FGF14: variants seen among roughly 807,000 people sequenced by gnomAD.
The protein encoded by FGF14 is fibroblast growth factor 14, also known as fibroblast growth factor homologous factor 4.
FGF14 carries 5 observed loss-of-function variants against 25.5 expected under a neutral mutation model. The ratio of observed to expected loss-of-function variants is 0.20; its 90% CI spans 0.10 to 0.41. The LOEUF (loss-of-function observed/expected upper bound fraction) is 0.41. Among genes scored for constraint, FGF14 ranks in the 10% least tolerant of loss-of-function variants. The pLI is 1.00. For missense variants in FGF14, 222 were observed against 320.1 expected (o/e 0.69, Z 2.34); for synonymous variants, 138 against 118.3 (o/e 1.17, Z -1.08).
intron 3 of FGF14, among the ~76,000 whole-genome samples, chr13:101,754,374 C>G (rs988991361): frequency 6.6e-6 from 1 of 152,156 alleles, no homozygotes; most frequent in Non-Finnish European, 1.5e-5. Context: ...CCCTGTTGCT[C>G]TATCTTTGTC....
intron 2 of FGF14, among the ~76,000 whole-genome samples, chr13:101,870,316 C>T (rs1275036886): frequency 6.6e-6 from 1 of 151,592 alleles, no homozygotes; most frequent in African/African-American, 2.4e-5. Flanking sequence ...TACCATCTCC[C>T]CTTACATCTT....
In FGF14 at chr13:102,040,532, T is replaced by C. The variant is rs146783272; in HGVS notation, c.209-165236A>G. ...GACTTACACATCTGTAAACTGTAGA[T>C]AATAAAAACTACTTTGCAATCATGT... On this transcript the variant is annotated intron_variant, in intron 1 of 4. Transcript: ENST00000376131. Among the ~76,000 whole-genome samples, 26 of 152,284 alleles carry C rather than the reference T, an allele frequency of 1.7e-4. No individual in the cohort carries two copies. In the East Asian group the frequency reaches 2.1e-3, roughly 12 times the overall value.
chr13:101,948,709 G>C (rs1192199585), intron 1 of FGF14, among the ~76,000 whole-genome samples: 1 of 151,746 alleles, frequency 6.6e-6, no homozygotes, highest in Non-Finnish European at 1.5e-5. Flanking sequence ...TAAATAAAAA[G>C]GTTTTTTTAA....
At chr13:101,931,808 T>C (rs927511087) in intron 1 of FGF14, among the ~76,000 whole-genome samples, 13 of 152,208 alleles carry the variant, frequency 8.5e-5, no homozygotes, top group South Asian at 2.1e-4. Flanking sequence ...AAGAACGCGA[T>C]TGACCCATTT....
At chr13:102,276,765 G>T (rs560246520) in intron 1 of FGF14, among the ~76,000 whole-genome samples, 1 of 152,126 alleles carries the variant, frequency 6.6e-6, no homozygotes, top group Non-Finnish European at 1.5e-5. Flanking sequence ...ACACAGGAAT[G>T]ATATGTTTAG....
intron 1 of FGF14, among the ~76,000 whole-genome samples, chr13:102,019,593 G>T (rs931704536): frequency 1.3e-5 from 2 of 152,086 alleles, no homozygotes; most frequent in Non-Finnish European, 2.9e-5. Context: ...TATTCAAACA[G>T]GTCTCTGTTT....
At chr13:102,286,505 T>G (rs1323184738) in intron 1 of FGF14, among the ~76,000 whole-genome samples, 1 of 152,236 alleles carries the variant, frequency 6.6e-6, no homozygotes, top group Non-Finnish European at 1.5e-5. Context: ...CCAATGACCA[T>G]GTAGTATTAC....
At chr13:102,326,754 A>AAGGAGG (rs1566939231) in intron 1 of FGF14, among the ~76,000 whole-genome samples, 2 of 76,822 alleles carry the variant, frequency 2.6e-5, no homozygotes, top group African/African-American at 1.1e-4. Flanking sequence ...AAGGAAGGAA[A>AAGGAGG]GAGGGAGGGA....
At chr13:101,880,866 CT>C (rs1311852601) in intron 1 of FGF14, among the ~76,000 whole-genome samples, 1 of 152,140 alleles carries the variant, frequency 6.6e-6, no homozygotes, top group Non-Finnish European at 1.5e-5. Flanking sequence ...GGCTATATAT[CT>C]ATAAATGGTT....
chr13:102,389,602 A>G (rs1268081551), intron 1 of FGF14, among the ~76,000 whole-genome samples: 2 of 152,206 alleles, frequency 1.3e-5, no homozygotes, highest in Non-Finnish European at 2.9e-5. Flanking sequence ...TCCAGGTTAG[A>G]GGACAGATTT....
intron 1 of FGF14, among the ~76,000 whole-genome samples, chr13:102,148,238 C>A (rs1415633673): frequency 6.6e-6 from 1 of 151,976 alleles, no homozygotes; most frequent in African/African-American, 2.4e-5. Context: ...TTTGAAACTC[C>A]AAACTAAGAA....
chr13:101,857,749 T>C (rs1186308445), intron 3 of FGF14, among the ~76,000 whole-genome samples: 2 of 152,034 alleles, frequency 1.3e-5, no homozygotes, highest in African/African-American at 4.8e-5. Context: ...TAGAATGTGT[T>C]AGATCAATTC....
intron 1 of FGF14, among the ~76,000 whole-genome samples, chr13:102,203,594 A>T (rs2049770351): frequency 6.6e-6 from 1 of 152,206 alleles, no homozygotes; most frequent in South Asian, 2.1e-4. Context: ...AAATTTAATT[A>T]TGTTTTATTA....
At chr13:102,182,364 T>G (rs1434085278) in intron 1 of FGF14, among the ~76,000 whole-genome samples, 1 of 152,130 alleles carries the variant, frequency 6.6e-6, no homozygotes, top group Non-Finnish European at 1.5e-5. Context: ...GCCGACGCCT[T>G]GATTTTAGCC....
chr13:102,095,913 G>A (rs1286598079), intron 1 of FGF14, among the ~76,000 whole-genome samples: 1 of 151,734 alleles, frequency 6.6e-6, no homozygotes, highest in Non-Finnish European at 1.5e-5. Context: ...TTTCTACTGT[G>A]AGTGGGTCAG....
At chr13:102,378,595 A>ATATCTATC (rs4000839) in intron 1 of FGF14, among the ~76,000 whole-genome samples, 12,290 of 140,266 alleles carry the variant, frequency 0.088, 600 homozygotes, top group Non-Finnish European at 0.1. Context: ...ATATATATCT[A>ATATCTATC]TATCTATCTA....
chr13:102,195,529 A>G (rs987887477), intron 1 of FGF14, among the ~76,000 whole-genome samples: 2 of 152,062 alleles, frequency 1.3e-5, no homozygotes, highest in Admixed American at 1.3e-4. Flanking sequence ...AAAATGTTAT[A>G]CTAGAAAACA....
chr13:101,786,130 T>C (rs868107319), intron 3 of FGF14, among the ~76,000 whole-genome samples: 4 of 152,112 alleles, frequency 2.6e-5, no homozygotes, highest in African/African-American at 7.2e-5. Context: ...GCTGGTCTGA[T>C]GTGTTGGCAG....
chr13:101,998,424 GA>G (rs1307721096), intron 1 of FGF14, among the ~76,000 whole-genome samples: 1 of 152,166 alleles, frequency 6.6e-6, no homozygotes, highest in Non-Finnish European at 1.5e-5. Flanking sequence ...ATACAAACCA[GA>G]ACTCTTTGGG....
Sources: gnomAD v4.1 joint callset for allele counts (sites outside exome capture counted in the v4.1 genomes callset) on GRCh38, gnomAD v4.1.1 for gene constraint, MANE v1.5 for transcripts, NCBI Gene and HGNC (gene_info 2026-07-23, HGNC 2026-07-21) for gene names.